ADAMTSL3: variants seen among roughly 807,000 people sequenced by gnomAD.
ADAMTSL3 encodes the protein ADAMTS-like protein 3.
A neutral mutation model predicts 201.7 loss-of-function variants in ADAMTSL3; 128 were observed. That is an observed-to-expected ratio of 0.63 (90% CI 0.55 to 0.73). The LOEUF is 0.73. Among genes scored for constraint, ADAMTSL3 ranks in the 30% least tolerant of loss-of-function variants. The pLI, the probability that ADAMTSL3 is intolerant of heterozygous loss-of-function variation, is 0.00. For missense variants in ADAMTSL3, 1,990 were observed against 2,119.6 expected (o/e 0.94, Z 1.20); for synonymous variants, 738 against 748.4 (o/e 0.99, Z 0.23).
At chr15:83,830,152 CAG>C (rs2064124085) in intron 6 of ADAMTSL3, among the ~76,000 whole-genome samples, 1 of 152,044 alleles carries the variant, frequency 6.6e-6, no homozygotes, top group Non-Finnish European at 1.5e-5. Flanking sequence ...TGGGTGAGAA[CAG>C]GGGGCATGGG....
intron 9 of ADAMTSL3, among the ~76,000 whole-genome samples, chr15:83,874,915 C>T (rs62025830): frequency 0.25 from 36,617 of 144,748 alleles, 8,415 homozygotes; most frequent in Non-Finnish European, 0.32. Context: ...GCCCGGTAGG[C>T]GTTTGTCTTT....
At chr15:83,963,769 A>T (rs2067023260) in intron 19 of ADAMTSL3, among the ~76,000 whole-genome samples, 1 of 152,214 alleles carries the variant, frequency 6.6e-6, no homozygotes, top group African/African-American at 2.4e-5. Flanking sequence ...TCTGGCTGGC[A>T]TCTGGCAGGT....
intron 3 of ADAMTSL3, among the ~76,000 whole-genome samples, chr15:83,770,042 C>T (rs2062954729): frequency 6.6e-6 from 1 of 151,972 alleles, no homozygotes; most frequent in Non-Finnish European, 1.5e-5. Flanking sequence ...TAAGAAAAGT[C>T]TACAAAATGC....
chr15:83,979,831 T>A (rs531331811), intron 20 of ADAMTSL3, among the ~76,000 whole-genome samples: 16 of 152,352 alleles, frequency 1.1e-4, no homozygotes, highest in African/African-American at 3.8e-4. Context: ...CAGCTTCCTG[T>A]CAAATTGTCT....
intron 4 of ADAMTSL3, among the ~76,000 whole-genome samples, chr15:83,782,361 C>T (rs536007433): frequency 2.0e-4 from 30 of 152,138 alleles, no homozygotes; most frequent in African/African-American, 7.0e-4. Flanking sequence ...CCTGTAATTC[C>T]AGCTACTCAG....
rs185074316 is a variant in ADAMTSL3 at position 83,996,642 on chromosome 15, G to A, written c.3973+5428G>A. On this transcript the variant is annotated intron_variant, in intron 23 of 29. Transcript: ENST00000286744. ...TAAAAATACAAAAAATTAGCTGGGCGTGGTGGTGGGTGCCTGTAGTCCCAG... is the reference window on the plus strand; with the variant it reads ...TAAAAATACAAAAAATTAGCTGGGCATGGTGGTGGGTGCCTGTAGTCCCAG... Among the ~76,000 whole-genome samples the A allele has an allele frequency of 6.6e-4, 100 of 151,834 alleles. 1 individual carries two copies. The highest frequency in any genetic ancestry group is 3.4e-3 in the Middle Eastern group (1 of 292).
intron 4 of ADAMTSL3, among the ~76,000 whole-genome samples, chr15:83,778,047 T>C (rs893861716): frequency 6.6e-6 from 1 of 151,904 alleles, no homozygotes. Context: ...CTTTCTGAAA[T>C]AAGACAGTCA....
chr15:83,786,884 T>A (rs1309632485), intron 4 of ADAMTSL3, among the ~76,000 whole-genome samples: 1 of 152,192 alleles, frequency 6.6e-6, no homozygotes, highest in Non-Finnish European at 1.5e-5. Context: ...ACTAAAATTG[T>A]TGGCAAATTA....
In ADAMTSL3 at chr15:83,885,220, C is replaced by G; in HGVS notation, c.1072+8C>G. On this transcript the variant is annotated splice_region_variant and intron_variant, in intron 10 of 29. Coordinates refer to ENST00000286744, the MANE Select transcript of ADAMTSL3 (RefSeq NM_207517.3). The stretch of plus-strand genomic sequence containing the variant: ...CTGTGACGTGTGGAGGAGGTGAGGC[C>G]CAGGCTTTGTTCATGAATATTTAGA... The G allele has an allele frequency of 6.3e-7, 1 of 1,590,988 alleles. No individual in the cohort carries two copies. The highest frequency in any genetic ancestry group is 1.1e-5 in the South Asian group (1 of 90,384).
chr15:83,777,140 C>T (rs971554698), intron 4 of ADAMTSL3, among the ~76,000 whole-genome samples: 2 of 152,218 alleles, frequency 1.3e-5, no homozygotes, highest in Non-Finnish European at 2.9e-5. Flanking sequence ...GAGCCAACAC[C>T]ACCTCCAGCA....
At chr15:83,923,317 G>A (rs76343395) in intron 16 of ADAMTSL3, among the ~76,000 whole-genome samples, 6,267 of 152,172 alleles carry the variant, frequency 0.041, 229 homozygotes, top group South Asian at 0.18. Context: ...TGATTATTGT[G>A]AAAGCACTTT....
intron 17 of ADAMTSL3, among the ~76,000 whole-genome samples, chr15:83,941,079 A>AT (rs575297195): frequency 6.6e-6 from 1 of 151,448 alleles, no homozygotes; most frequent in Non-Finnish European, 1.5e-5. Flanking sequence ...AAATTTTTTA[A>AT]TTTTTTTTGT....
At chr15:83,776,845 CAA>C (rs888053603) in intron 4 of ADAMTSL3, among the ~76,000 whole-genome samples, 30 of 152,114 alleles carry the variant, frequency 2.0e-4, no homozygotes, top group African/African-American at 6.3e-4. Context: ...GTTATGAGAC[CAA>C]AAAAGTTCAG....
At chr15:83,754,251 G>T (rs538807551) in intron 3 of ADAMTSL3, among the ~76,000 whole-genome samples, 98 of 152,322 alleles carry the variant, frequency 6.4e-4, no homozygotes, top group Non-Finnish European at 1.2e-3. Flanking sequence ...TAGAATGTTT[G>T]TTGAAATATG....
At position 84,011,089 on chromosome 15, in the gene ADAMTSL3, A is replaced by G. The variant is rs142323557; in HGVS notation, c.3974-3453A>G. 9.6e-4 allele frequency among the ~76,000 whole-genome samples: 146 copies of G among 152,368 alleles called. No homozygotes were observed. In the Middle Eastern group the frequency reaches 0.01, roughly 11 times the overall value. ...CCTTAGCATTGCCACAGAGTCTTACATAGAGTAGGCACTCCATAAACATTT... is the reference window on the plus strand; with the variant it reads ...CCTTAGCATTGCCACAGAGTCTTACGTAGAGTAGGCACTCCATAAACATTT... On this transcript the variant is annotated intron_variant, in intron 23 of 29. Coordinates refer to ENST00000286744, the MANE Select transcript of ADAMTSL3 (RefSeq NM_207517.3).
chr15:83,788,816 T>C (rs1001840574), intron 4 of ADAMTSL3, among the ~76,000 whole-genome samples: 4 of 152,158 alleles, frequency 2.6e-5, no homozygotes, highest in Admixed American at 6.6e-5. Context: ...TTTTTTTCTT[T>C]TTGTTTTTTT....
intron 23 of ADAMTSL3, among the ~76,000 whole-genome samples, chr15:84,000,278 C>T (rs574102141): frequency 6.6e-6 from 1 of 152,194 alleles, no homozygotes; most frequent in East Asian, 1.9e-4. Flanking sequence ...ACTGTTATCT[C>T]TTTTTAAAAC....
rs1254583815 is a variant in ADAMTSL3 at position 84,038,749 on chromosome 15, G to A, written c.*943G>A. The A allele has an allele frequency of 1.3e-5, 2 of 152,306 alleles. No homozygotes were observed. The highest frequency in any genetic ancestry group is 2.9e-5 in the Non-Finnish European group (2 of 68,026). The allele number at this position is 152,306 out of a possible 1,614,324, so 9.4% of individuals were successfully genotyped here. A position where few individuals can be genotyped will look rare whatever the true frequency, so the allele number is the denominator to read the frequency against. On this transcript the variant is annotated 3_prime_UTR_variant, in exon 30 of 30. Transcript: ENST00000286744. Reference sequence around the variant, plus strand: ...ATTTTTATAGTAAATAATTGTTTTGGGCTGATTTTTCAGTAAATCCAAAGT... The same window carrying A: ...ATTTTTATAGTAAATAATTGTTTTGAGCTGATTTTTCAGTAAATCCAAAGT...
chr15:83,958,136 G>A (rs1248130570), intron 19 of ADAMTSL3, among the ~76,000 whole-genome samples: 1 of 152,158 alleles, frequency 6.6e-6, no homozygotes, highest in African/African-American at 2.4e-5. Context: ...AAAGAGGAGA[G>A]ACAGGGCCAA....
Sources: allele counts gnomAD v4.1 joint callset (sites outside exome capture counted in the v4.1 genomes callset), GRCh38; gene constraint gnomAD v4.1.1; transcripts MANE v1.5; gene names NCBI Gene and HGNC (gene_info 2026-07-23, HGNC 2026-07-21).